KIF5C: variants seen among roughly 807,000 people sequenced by gnomAD.
KIF5C encodes kinesin family member 5C, also known as kinesin heavy chain isoform 5C.
In KIF5C, 18 loss-of-function variants were observed where a neutral mutation model predicts 125.2. The ratio of observed to expected loss-of-function variants is 0.14; its 90% CI spans 0.10 to 0.21. The LOEUF (loss-of-function observed/expected upper bound fraction) is 0.21, where lower values mean the gene tolerates loss of function less well. Ranked by LOEUF, KIF5C falls within the 10% of genes least tolerant of loss-of-function variation. The pLI is 1.00. For synonymous variants in KIF5C, 405 were observed against 434.0 expected (o/e 0.93, Z 0.83); for missense variants, 780 against 1,183.8 (o/e 0.66, Z 5.01).
In KIF5C at chr2:148,934,538, ACAC is replaced by A. The variant is rs1205777792; in HGVS notation, c.292-2745_292-2743del. ...CAGGCAGAACCCACATATATCACAC[ACAC>A]AACACACACGCATACACACACACAC... On this transcript the variant is annotated intron_variant, in intron 3 of 25. Transcript: ENST00000435030. Among the ~76,000 whole-genome samples, 16 of 148,224 alleles carry A rather than the reference ACAC, an allele frequency of 1.1e-4. No individual in the cohort carries two copies. In the South Asian group the frequency reaches 2.1e-3, roughly 20 times the overall value.
At chr2:148,935,164 G>C in intron 3 of KIF5C, 1 of 294,436 alleles carries the variant, frequency 3.4e-6, no homozygotes, top group Non-Finnish European at 6.9e-6. Flanking sequence ...AAAGTAGAGA[G>C]TGTCCTAGAT....
chr2:148,891,535 C>T (rs1681707913), intron 1 of KIF5C, among the ~76,000 whole-genome samples: 2 of 152,180 alleles, frequency 1.3e-5, no homozygotes, highest in African/African-American at 2.4e-5. Context: ...GCTCTTCTCA[C>T]AGACCTTTAT....
At chr2:148,919,916 A>G (rs1329351989) in intron 1 of KIF5C, among the ~76,000 whole-genome samples, 1 of 152,224 alleles carries the variant, frequency 6.6e-6, no homozygotes, top group African/African-American at 2.4e-5. Flanking sequence ...AATGACTTGA[A>G]GGCAACTTCT....
chr2:149,014,567 C>G (rs1023314279), intron 25 of KIF5C, among the ~76,000 whole-genome samples: 2 of 152,192 alleles, frequency 1.3e-5, no homozygotes, highest in Non-Finnish European at 2.9e-5. Flanking sequence ...CCACTTCCTT[C>G]AAGTTACTTA....
At chr2:148,929,418 C>A (rs1167138706) in intron 3 of KIF5C, 64 bp downstream of exon 3, 6 of 1,100,512 alleles carry the variant, frequency 5.5e-6, no homozygotes, top group Non-Finnish European at 7.9e-6. Flanking sequence ...ACGTTTCCAG[C>A]AAAACTTGAG....
chr2:148,960,343 G>A (rs553682664), intron 10 of KIF5C, among the ~76,000 whole-genome samples: 31 of 152,160 alleles, frequency 2.0e-4, no homozygotes, highest in Non-Finnish European at 3.7e-4. Context: ...GTGTCCATAA[G>A]CATTTTAGCC....
chr2:148,941,750 A>G, intron 5 of KIF5C, 92 bp downstream of exon 5: 1 of 1,501,068 alleles, frequency 6.7e-7, no homozygotes. Flanking sequence ...TAAGGAATTA[A>G]TGAAAATTTA....
At chr2:148,978,334 GTTTTTTTTT>G (rs71406035) in intron 12 of KIF5C, among the ~76,000 whole-genome samples, 7 of 78,658 alleles carry the variant, frequency 8.9e-5, no homozygotes, top group Middle Eastern at 0.014. Flanking sequence ...CTGCCCTGAG[GTTTTTTTTT>G]TTTTTTTTTT....
chr2:148,953,155 CAG>C (rs1173079634), intron 10 of KIF5C, among the ~76,000 whole-genome samples: 1 of 152,192 alleles, frequency 6.6e-6, no homozygotes, highest in Non-Finnish European at 1.5e-5. Flanking sequence ...GAGTTTGTCA[CAG>C]ACATTAGTTT....
intron 1 of KIF5C, among the ~76,000 whole-genome samples, chr2:148,905,019 G>T (rs1301068081): frequency 6.6e-6 from 1 of 152,086 alleles, no homozygotes; most frequent in Admixed American, 6.6e-5. Context: ...CAGGTCCTAG[G>T]CTTGGAGTCC....
chr2:149,007,949 T>G lies in KIF5C; in HGVS notation c.2446-14T>G. 1 of 1,581,682 alleles carries G rather than the reference T, an allele frequency of 6.3e-7. No individual in the cohort carries two copies. The highest frequency in any genetic ancestry group is 8.6e-7 in the Non-Finnish European group (1 of 1,157,440). On this transcript the variant is annotated splice_polypyrimidine_tract_variant and intron_variant, in intron 22 of 25. Transcript: ENST00000435030. ...GTGACAGCCTGTCCTGCTGACCCCT[T>G]GGTGTCAATGCAGAGTGTGGAGTTG...
At chr2:148,977,878 C>T (rs1681117955) in intron 12 of KIF5C, among the ~76,000 whole-genome samples, 1 of 152,160 alleles carries the variant, frequency 6.6e-6, no homozygotes, top group Non-Finnish European at 1.5e-5. Context: ...GACCCAGGCC[C>T]TTAAGTTTGG....
At position 149,010,268 on chromosome 2, in the gene KIF5C, A is replaced by C. The variant is rs753505074; in HGVS notation, c.2684A>C (p.Lys895Thr). 6.3e-7 allele frequency: 1 copy of C among 1,594,686 alleles called. No individual in the cohort carries two copies. The highest frequency in any genetic ancestry group is 8.5e-7 in the Non-Finnish European group (1 of 1,170,968). Reference protein sequence around the residue: ...EAKENAMRDRKRYQQEVDRIK... With the variant: ...EAKENAMRDRTRYQQEVDRIK... ...AAGGAGAACGCCATGCGGGACCGTA[A>C]GCGCTACCAGCAGGAGGTGGATCGT... Residue 895 changes from lysine to threonine, a missense_variant, in exon 24 of 26, where the codon AAG becomes ACG. By Grantham distance (78) the Lys-to-Thr change is moderately conservative. Coordinates refer to ENST00000435030, the MANE Select transcript of KIF5C (RefSeq NM_004522.3).
rs1022852829 is a variant in KIF5C, at chr2:148,875,363, G to T, written c.-255G>T. 3.4e-5 allele frequency: 13 copies of T among 384,348 alleles called. No homozygotes were observed. The highest frequency in any genetic ancestry group is 6.0e-5 in the Non-Finnish European group (13 of 216,348). The allele number at this position is 384,348 out of a possible 1,614,324, so 23.8% of individuals were successfully genotyped here. On this transcript the variant is annotated 5_prime_UTR_variant, in exon 1 of 26. Transcript: ENST00000435030. ...GGGCAGGTGGGCCGGGGGGCGCTGG[G>T]CAGGGGCGGGGCAGGGCCAGGGCAG...
chr2:148,950,482 ACCCATC>A lies in KIF5C; in HGVS notation c.968+22_968+27del. On this transcript the variant is annotated intron_variant, in intron 10 of 25. Transcript: ENST00000435030. ...ACAGAGGTACGTGTGGTCTCTCAGG[ACCCATC>A]CTCTGTGCTAGGTCTTGGGTCTTAA... The A allele has an allele frequency of 6.2e-7, 1 of 1,608,890 alleles. No homozygotes were observed. The highest frequency in any genetic ancestry group is 8.5e-7 in the Non-Finnish European group (1 of 1,177,182).
intron 17 of KIF5C, among the ~76,000 whole-genome samples, chr2:148,994,860 C>T (rs1422228285): frequency 6.6e-6 from 1 of 152,014 alleles, no homozygotes; most frequent in Middle Eastern, 3.2e-3. Context: ...TGTCACCACA[C>T]CTGGCTAATT....
intron 11 of KIF5C, among the ~76,000 whole-genome samples, chr2:148,969,442 T>TGTGC (rs1553467603): frequency 1.3e-5 from 2 of 151,268 alleles, no homozygotes. Context: ...TGTGTGTGTG[T>TGTGC]GTGTGTGTGT....
At chr2:148,954,667 A>C (rs1682750374) in intron 10 of KIF5C, among the ~76,000 whole-genome samples, 1 of 152,212 alleles carries the variant, frequency 6.6e-6, no homozygotes, top group Non-Finnish European at 1.5e-5. Context: ...AGGAGAATTG[A>C]TATCTTAGGG....
intron 3 of KIF5C, among the ~76,000 whole-genome samples, chr2:148,934,521 A>G (rs56729609): frequency 0.16 from 23,893 of 150,664 alleles, 3,117 homozygotes; most frequent in African/African-American, 0.36. Flanking sequence ...TACAGGCAGA[A>G]CCCACATATA....
Sources: allele counts gnomAD v4.1 joint callset (sites outside exome capture counted in the v4.1 genomes callset), GRCh38; gene constraint gnomAD v4.1.1; transcripts MANE v1.5; gene names NCBI Gene and HGNC (gene_info 2026-07-23, HGNC 2026-07-21).